Variants in CNTNAP5 observed in about 807,000 individuals in gnomAD.
CNTNAP5 encodes contactin associated protein family member 5, also known as contactin-associated protein-like 5.
In CNTNAP5, 72 loss-of-function variants were observed where a neutral mutation model predicts 150.2. That is an observed-to-expected ratio of 0.48 (90% CI 0.40 to 0.58). CNTNAP5 has a LOEUF of 0.58. Among genes scored for constraint, CNTNAP5 ranks in the 20% least tolerant of loss-of-function variants. The pLI is 0.00. For missense variants in CNTNAP5, 1,636 were observed against 1,626.2 expected (o/e 1.01, Z -0.10); for synonymous variants, 672 against 619.8 (o/e 1.08, Z -1.25).
At chr2:124,120,340 A>C (rs528903522) in intron 1 of CNTNAP5, among the ~76,000 whole-genome samples, 1 of 152,350 alleles carries the variant, frequency 6.6e-6, no homozygotes, top group African/African-American at 2.4e-5. Context: ...TTCAATTGGC[A>C]GGGAGCAAAG....
chr2:124,693,392 G>C (rs1679338249), intron 13 of CNTNAP5, among the ~76,000 whole-genome samples: 1 of 152,046 alleles, frequency 6.6e-6, no homozygotes, highest in African/African-American at 2.4e-5. Context: ...AACATAATGT[G>C]TCCAAGACAT....
At chr2:124,769,208 C>T (rs1480773410) in intron 16 of CNTNAP5, among the ~76,000 whole-genome samples, 1 of 152,118 alleles carries the variant, frequency 6.6e-6, no homozygotes, top group African/African-American at 2.4e-5. Context: ...GGAAGAACAT[C>T]ATGCAGGAGT....
chr2:124,632,726 G>A (rs984632266), intron 12 of CNTNAP5, among the ~76,000 whole-genome samples: 3 of 151,760 alleles, frequency 2.0e-5, no homozygotes, highest in African/African-American at 7.3e-5. Flanking sequence ...ACAATAAAAT[G>A]TTTGTTTAAA....
intron 10 of CNTNAP5, among the ~76,000 whole-genome samples, chr2:124,535,083 C>T (rs1695199493): frequency 6.6e-6 from 1 of 152,086 alleles, no homozygotes; most frequent in African/African-American, 2.4e-5. Flanking sequence ...TTGAACCTCA[C>T]AATCTATACA....
At chr2:124,577,504 T>G (rs1352909032) in intron 11 of CNTNAP5, among the ~76,000 whole-genome samples, 1 of 152,170 alleles carries the variant, frequency 6.6e-6, no homozygotes, top group Non-Finnish European at 1.5e-5. Context: ...CAGGCATGTA[T>G]AAATATCTAT....
rs545080437 is a variant in CNTNAP5, at chr2:124,487,497, G to A, written c.1062+12615G>A. On this transcript the variant is annotated intron_variant, in intron 7 of 23. Transcript: ENST00000682447. ...TGTGCCACATGGTGGATGCCTGTAA[G>A]GACAGTATGTTTGTGCAGCTGAAAA... 3.3e-5 allele frequency among the ~76,000 whole-genome samples: 5 copies of A among 152,162 alleles called. No homozygotes were observed. In the East Asian group the frequency reaches 9.7e-4, roughly 30 times the overall value.
intron 10 of CNTNAP5, among the ~76,000 whole-genome samples, chr2:124,555,673 TA>T (rs1695736588): frequency 6.6e-6 from 1 of 152,138 alleles, no homozygotes; most frequent in African/African-American, 2.4e-5. Context: ...CTGACATTAG[TA>T]GTAAGAAAGA....
intron 4 of CNTNAP5, among the ~76,000 whole-genome samples, chr2:124,433,682 T>A (rs1692449631): frequency 6.6e-6 from 1 of 152,068 alleles, no homozygotes; most frequent in South Asian, 2.1e-4. Context: ...TTATAAAAGT[T>A]TTTGTAATTA....
At chr2:124,278,117 A>T (rs1687927662) in intron 3 of CNTNAP5, among the ~76,000 whole-genome samples, 2 of 152,168 alleles carry the variant, frequency 1.3e-5, no homozygotes. Flanking sequence ...ATACAGATGA[A>T]GCCCATTCTT....
At chr2:124,864,542 C>T (rs1329687631) in intron 19 of CNTNAP5, among the ~76,000 whole-genome samples, 1 of 137,596 alleles carries the variant, frequency 7.3e-6, no homozygotes, top group African/African-American at 2.8e-5. Flanking sequence ...CTCTCTCTCT[C>T]TCTGTCTCTC....
At chr2:124,308,130 G>A (rs1199160988) in intron 3 of CNTNAP5, among the ~76,000 whole-genome samples, 1 of 152,182 alleles carries the variant, frequency 6.6e-6, no homozygotes, top group Non-Finnish European at 1.5e-5. Context: ...AGGAAGAAAT[G>A]TTGGGCTTAC....
At chr2:124,264,389 T>TACACACACACAC (rs200429155) in intron 3 of CNTNAP5, among the ~76,000 whole-genome samples, 9 of 126,552 alleles carry the variant, frequency 7.1e-5, no homozygotes, top group African/African-American at 2.5e-4. Context: ...CACACACACA[T>TACACACACACAC]ACACACACAC....
intron 1 of CNTNAP5, among the ~76,000 whole-genome samples, chr2:124,171,833 T>C (rs1350659892): frequency 6.6e-6 from 1 of 152,190 alleles, no homozygotes; most frequent in African/African-American, 2.4e-5. Flanking sequence ...CAAATAGGAA[T>C]ACTATGACTC....
chr2:124,452,890 A>T (rs1007079781), intron 6 of CNTNAP5, among the ~76,000 whole-genome samples: 1 of 152,174 alleles, frequency 6.6e-6, no homozygotes, highest in South Asian at 2.1e-4. Context: ...CTTGTGTCCC[A>T]GACCTTCTCT....
chr2:124,202,507 A>G (rs1333894841), intron 1 of CNTNAP5, among the ~76,000 whole-genome samples: 1 of 152,196 alleles, frequency 6.6e-6, no homozygotes. Flanking sequence ...GGAGAGCAGG[A>G]CGGGGCCAAC....
At chr2:124,701,699 T>A (rs940978484) in intron 13 of CNTNAP5, among the ~76,000 whole-genome samples, 1 of 152,178 alleles carries the variant, frequency 6.6e-6, no homozygotes, top group Non-Finnish European at 1.5e-5. Flanking sequence ...GACTTCTTGA[T>A]AATAGTCATC....
At chr2:124,030,929 T>C (rs761131199) in intron 1 of CNTNAP5, among the ~76,000 whole-genome samples, 8 of 152,110 alleles carry the variant, frequency 5.3e-5, no homozygotes, top group Non-Finnish European at 8.8e-5. Flanking sequence ...CTAGTAGTTA[T>C]GAATTCCTTG....
At chr2:124,546,819 A>AT (rs1273628097) in intron 10 of CNTNAP5, among the ~76,000 whole-genome samples, 5 of 152,056 alleles carry the variant, frequency 3.3e-5, no homozygotes, top group Admixed American at 1.3e-4. Flanking sequence ...AGTGTCTGTG[A>AT]TTTTAACTGA....
At chr2:124,131,856 G>A (rs1241715660) in intron 1 of CNTNAP5, among the ~76,000 whole-genome samples, 4 of 152,172 alleles carry the variant, frequency 2.6e-5, no homozygotes, top group Non-Finnish European at 5.9e-5. Context: ...CTTTTTAGTT[G>A]AGTGGGGATA....
Sources: allele counts gnomAD v4.1 joint callset (sites outside exome capture counted in the v4.1 genomes callset), GRCh38; gene constraint gnomAD v4.1.1; transcripts MANE v1.5; gene names NCBI Gene and HGNC (gene_info 2026-07-23, HGNC 2026-07-21).